The following ALOX5AP variants were observed in gnomAD, a reference collection of about 807,000 sequenced individuals.
ALOX5AP encodes arachidonate 5-lipoxygenase-activating protein.
Under a neutral mutation model 18.5 loss-of-function variants are expected in ALOX5AP, and 9 were observed. The observed-to-expected ratio is 0.49, with a 90% confidence interval of 0.29 to 0.85. The LOEUF is 0.85. Ranked by LOEUF, ALOX5AP falls within the 40% of genes least tolerant of loss-of-function variation. ALOX5AP has a pLI of 0.08. For synonymous variants in ALOX5AP, 81 were observed against 78.6 expected (o/e 1.03, Z -0.16); for missense variants, 172 against 202.5 (o/e 0.85, Z 0.91).
chr13:30,731,555 T>C (rs758581313), upstream of ALOX5AP, among the ~76,000 whole-genome samples: 5 of 151,934 alleles, frequency 3.3e-5, no homozygotes, highest in Admixed American at 6.6e-5. Context: ...TTTTGTAGAG[T>C]TGGGGGTCTT....
exon 1 of ALOX5AP, chr13:30,713,624 G>T: frequency 2.4e-6 from 2 of 846,348 alleles, no homozygotes; most frequent in Non-Finnish European, 3.7e-6. Flanking sequence ...CTCATCTCCC[G>T]TTTTTGAAGA....
rs764640364 is a variant in ALOX5AP at position 30,735,822 on chromosome 13, G to A, written c.70+147G>A. On this transcript the variant is annotated intron_variant, in intron 1 of 4. Transcript: ENST00000380490. ...TTTATTTTCTTCTTTTTATTTGAAT[G>A]TATAGGGTTGTGTGTATTTCTGTGT... The A allele has an allele frequency of 1.2e-5, 12 of 1,023,430 alleles. No individual in the cohort carries two copies. The Middle Eastern group carries it at 1.5e-3, about 127-fold the overall frequency. The allele number at this position is 1,023,430 out of a possible 1,614,324, so 63.4% of individuals were successfully genotyped here.
chr13:30,740,873 G>T (rs900762560), intron 1 of ALOX5AP, among the ~76,000 whole-genome samples: 3 of 152,064 alleles, frequency 2.0e-5, no homozygotes, highest in Non-Finnish European at 4.4e-5. Flanking sequence ...AAAAGGAAGG[G>T]GCTCGGTTCT....
chr13:30,728,464 T>C (rs1172893080), intron 1 of ALOX5AP, among the ~76,000 whole-genome samples: 1 of 152,162 alleles, frequency 6.6e-6, no homozygotes, highest in Non-Finnish European at 1.5e-5. Context: ...TCTGTGTATA[T>C]ATATTTAAAA....
intron 4 of ALOX5AP, among the ~76,000 whole-genome samples, chr13:30,756,358 T>C (rs940568627): frequency 1.3e-4 from 20 of 152,156 alleles, no homozygotes; most frequent in African/African-American, 4.8e-4. Context: ...GGAATGACAT[T>C]TTAGGTCTGG....
At chr13:30,728,334 G>A (rs947540503) in intron 1 of ALOX5AP, among the ~76,000 whole-genome samples, 1 of 152,146 alleles carries the variant, frequency 6.6e-6, no homozygotes, top group Admixed American at 6.5e-5. Context: ...GTTGTTTTAA[G>A]CCACTCAGTT....
intron 1 of ALOX5AP, among the ~76,000 whole-genome samples, chr13:30,743,289 T>A (rs1002464996): frequency 2.0e-5 from 3 of 152,044 alleles, no homozygotes; most frequent in African/African-American, 7.2e-5. Flanking sequence ...GCACACCATA[T>A]CATTTTAATT....
chr13:30,745,105 T>A (rs552062820), intron 2 of ALOX5AP, among the ~76,000 whole-genome samples: 15 of 152,072 alleles, frequency 9.9e-5, no homozygotes, highest in Non-Finnish European at 1.9e-4. Context: ...GGAGGGAGGG[T>A]CCCCTTCAGG....
chr13:30,760,570 A>G (rs1951933342), intron 4 of ALOX5AP, among the ~76,000 whole-genome samples: 1 of 152,226 alleles, frequency 6.6e-6, no homozygotes, highest in Non-Finnish European at 1.5e-5. Flanking sequence ...ACTAATAACC[A>G]AATCCTGGTC....
In ALOX5AP at chr13:30,756,038, G is replaced by A; in HGVS notation, c.323+13G>A. On this transcript the variant is annotated intron_variant, in intron 4 of 4. Transcript: ENST00000380490. Reference sequence around the variant, plus strand: ...AGAGAACGCAGAGGTAGGTAACTGGGACTACTAAAGAACTGTGGAGCGATT... The same window carrying A: ...AGAGAACGCAGAGGTAGGTAACTGGAACTACTAAAGAACTGTGGAGCGATT... The A allele has an allele frequency of 6.2e-7, 1 of 1,611,996 alleles. No homozygotes were observed. The highest frequency in any genetic ancestry group is 8.5e-7 in the Non-Finnish European group (1 of 1,178,070).
intron 2 of ALOX5AP, among the ~76,000 whole-genome samples, chr13:30,750,860 A>G (rs749224124): frequency 6.6e-6 from 1 of 152,156 alleles, no homozygotes; most frequent in African/African-American, 2.4e-5. Context: ...TCAAAATAAG[A>G]AAGATTTGAT....
At chr13:30,751,991 CAG>C (rs1951855493) in intron 2 of ALOX5AP, 59 bp from the exon 3 acceptor site, 1 of 1,469,480 alleles carries the variant, frequency 6.8e-7, no homozygotes, top group Non-Finnish European at 9.5e-7. Flanking sequence ...AGGTAATTTT[CAG>C]ACCACATTGC....
In ALOX5AP at chr13:30,763,908, A is replaced by T; in HGVS notation, c.324-36A>T. On this transcript the variant is annotated intron_variant, in intron 4 of 4. Transcript: ENST00000380490. ...TGTGTGTGAAATTGGTGTCATTCGC[A>T]CTGCATCTACAGTTTTCTTTTTCCT... 1 of 1,596,488 alleles carries T rather than the reference A, an allele frequency of 6.3e-7. No individual in the cohort carries two copies. The highest frequency in any genetic ancestry group is 8.5e-7 in the Non-Finnish European group (1 of 1,170,758).
rs967038455 is a variant in ALOX5AP, at chr13:30,748,826, T to G, written c.171-3226T>G. Among the ~76,000 whole-genome samples the G allele has an allele frequency of 1.3e-5, 2 of 152,158 alleles. 1 individual carries two copies. The highest frequency in any genetic ancestry group is 2.9e-5 in the Non-Finnish European group (2 of 68,026). Reference sequence around the variant, plus strand: ...ACTGAGGCTCATTGAGGCTAGGAAATGCACCCACACTCACATAGCCCATAA... The same window carrying G: ...ACTGAGGCTCATTGAGGCTAGGAAAGGCACCCACACTCACATAGCCCATAA... On this transcript the variant is annotated intron_variant, in intron 2 of 4. Coordinates refer to ENST00000380490, the MANE Select transcript of ALOX5AP (RefSeq NM_001629.4).
At chr13:30,762,767 CTTG>C (rs1329221234) in intron 4 of ALOX5AP, among the ~76,000 whole-genome samples, 1 of 152,128 alleles carries the variant, frequency 6.6e-6, no homozygotes, top group African/African-American at 2.4e-5. Flanking sequence ...GCTGGCTCAT[CTTG>C]TTGTGCGGTC....
At chr13:30,731,375 AT>A (rs1181273858), upstream of ALOX5AP, among the ~76,000 whole-genome samples, 5,043 of 140,314 alleles carry the variant, frequency 0.036, 85 homozygotes, top group East Asian at 0.056. Context: ...CCTTGACCAC[AT>A]TTTTTTTTTT....
At chr13:30,722,015 T>C (rs1228580068) in intron 1 of ALOX5AP, among the ~76,000 whole-genome samples, 3 of 152,224 alleles carry the variant, frequency 2.0e-5, no homozygotes, top group South Asian at 4.1e-4. Context: ...CATTCCAAGC[T>C]CTATTCAAGG....
intron 1 of ALOX5AP, among the ~76,000 whole-genome samples, chr13:30,719,504 CCTTA>C (rs1384259907): frequency 6.6e-6 from 1 of 152,192 alleles, no homozygotes; most frequent in Non-Finnish European, 1.5e-5. Flanking sequence ...CCTCATTTCT[CCTTA>C]CTTTCTTGCT....
upstream of ALOX5AP, among the ~76,000 whole-genome samples, chr13:30,731,405 C>T (rs1002922911): frequency 1.3e-5 from 2 of 151,262 alleles, no homozygotes; most frequent in African/African-American, 2.4e-5. Context: ...ACAGGATCTC[C>T]CTCTCTTGCC....
Sources: gnomAD v4.1 joint callset for allele counts (sites outside exome capture counted in the v4.1 genomes callset) on GRCh38, gnomAD v4.1.1 for gene constraint, MANE v1.5 for transcripts, NCBI Gene and HGNC (gene_info 2026-07-23, HGNC 2026-07-21) for gene names.